The following ABR variants were observed in gnomAD, a reference collection of about 807,000 sequenced individuals.
ABR encodes the protein ABR activator of RhoGEF and GTPase.
In ABR, 35 loss-of-function variants were observed where a neutral mutation model predicts 107.2. That is an observed-to-expected ratio of 0.33 (90% CI 0.25 to 0.43). The LOEUF is 0.43. Ranked by LOEUF, ABR falls within the 20% of genes least tolerant of loss-of-function variation. ABR has a pLI of 1.00. For synonymous variants in ABR, 498 were observed against 462.0 expected (o/e 1.08, Z -1.00); for missense variants, 815 against 1,115.2 (o/e 0.73, Z 3.83).
intron 4 of ABR, chr17:1,083,850 G>T: frequency 1.9e-6 from 1 of 521,040 alleles, no homozygotes; most frequent in Non-Finnish European, 3.5e-6. Flanking sequence ...TAATGAGGGG[G>T]TCTGGGGTTG....
At chr17:1,139,543 T>C (rs7219168) in intron 1 of ABR, among the ~76,000 whole-genome samples, 1,461 of 145,204 alleles carry the variant, frequency 0.01, 24 homozygotes, top group African/African-American at 0.034. Flanking sequence ...TGAGCCACCG[T>C]GCCCGGCCTG....
At chr17:1,079,424 C>G (rs758112457) in intron 5 of ABR, 34 bp from the exon 6 acceptor site, 13 of 1,587,574 alleles carry the variant, frequency 8.2e-6, no homozygotes, top group African/African-American at 1.3e-5. Flanking sequence ...ATGGCCTGTT[C>G]TGTCCCTCAC....
At chr17:1,040,939 A>G (rs2030315619) in intron 16 of ABR, among the ~76,000 whole-genome samples, 1 of 152,170 alleles carries the variant, frequency 6.6e-6, no homozygotes. Flanking sequence ...TTTGAGACAG[A>G]GTCTCGCTCT....
chr17:1,148,958 G>T lies in ABR; in HGVS notation c.62-23591C>A, dbSNP rs935877376. On this transcript the variant is annotated intron_variant, in intron 1 of 22. Transcript: ENST00000302538. The surrounding 1 kb of genome is among the most constrained non-coding windows in gnomAD (Gnocchi z 4.9). ...ACTCTGTCACCCAGGCTGGAGTGCAGTGGCGCCATCTCGGCTCACTGCAAG... is the reference window on the plus strand; with the variant it reads ...ACTCTGTCACCCAGGCTGGAGTGCATTGGCGCCATCTCGGCTCACTGCAAG... 1.3e-5 allele frequency among the ~76,000 whole-genome samples: 2 copies of T among 151,788 alleles called. No individual in the cohort carries two copies. The highest frequency in any genetic ancestry group is 3.9e-4 in the East Asian group (2 of 5,176).
At chr17:1,012,124 G>T (rs1597352983) in intron 18 of ABR, 139 bp from the exon 19 acceptor site, 1 of 1,408,874 alleles carries the variant, frequency 7.1e-7, no homozygotes, top group Non-Finnish European at 9.8e-7. Context: ...GGGCAGGGCA[G>T]AGAAAGAGGC....
At chr17:1,106,972 A>T (rs993853007) in intron 2 of ABR, among the ~76,000 whole-genome samples, 1 of 152,166 alleles carries the variant, frequency 6.6e-6, no homozygotes, top group African/African-American at 2.4e-5. Flanking sequence ...CTAACCTGAG[A>T]GTGTTTGTTG....
chr17:1,220,996 CGTT>C (rs922910342), intron 1 of ABR, among the ~76,000 whole-genome samples: 103 of 152,160 alleles, frequency 6.8e-4, no homozygotes, highest in African/African-American at 2.3e-3. Context: ...GCCGTGGCTC[CGTT>C]GTTATTTGTT....
intron 10 of ABR, among the ~76,000 whole-genome samples, chr17:1,064,089 C>G (rs1236312044): frequency 7.7e-6 from 1 of 130,028 alleles, no homozygotes; most frequent in Non-Finnish European, 1.6e-5. Context: ...GAACTGAGGG[C>G]TATACATGTT....
At chr17:1,105,194 A>C (rs1464464199) in intron 2 of ABR, among the ~76,000 whole-genome samples, 2 of 151,752 alleles carry the variant, frequency 1.3e-5, no homozygotes, top group African/African-American at 2.4e-5. Context: ...TTTTTAGTAG[A>C]GACAGGGTTT....
At position 1,048,548 on chromosome 17, in the gene ABR, C is replaced by T. The variant is rs141043517; in HGVS notation, c.1791+1502G>A. On this transcript the variant is annotated intron_variant, in intron 16 of 22. Transcript: ENST00000302538. ...TGCGCCTGGATCACCTCTTGGGCCA[C>T]GGTCAAGAAGCTCGGCGCCCAGCTG... 3.9e-3 allele frequency among the ~76,000 whole-genome samples: 591 copies of T among 152,038 alleles called. 1 individual carries two copies. Among genetic ancestry groups the T allele is most frequent in the African/African-American group, 0.014 (560 of 41,330 alleles).
At chr17:1,159,695 G>GTAAGAATGCGGTACT in intron 1 of ABR, among the ~76,000 whole-genome samples, 4 of 46,626 alleles carry the variant, frequency 8.6e-5, no homozygotes, top group African/African-American at 3.6e-4. Flanking sequence ...CACAGGAGAA[G>GTAAGAATGCGGTACT]CAGGAATGCG....
rs2036435845 is a variant in ABR, at chr17:1,084,033, G to T, written c.532-406C>A. Among the ~76,000 whole-genome samples, 1 of 152,154 alleles carries T rather than the reference G, an allele frequency of 6.6e-6. No homozygotes were observed. The highest frequency in any genetic ancestry group is 1.5e-5 in the Non-Finnish European group (1 of 68,022). On this transcript the variant is annotated intron_variant, in intron 4 of 22. Coordinates refer to ENST00000302538, the MANE Select transcript of ABR (RefSeq NM_021962.5). This position sits in a 1 kb window ranked among gnomAD's most constrained non-coding sequence, Gnocchi z 4.2. ...GGAGAGAGGGGGGTGTGTGTGCTGG[G>T]GGGAGCTGGCACGTGTGGCCTGCTC...
chr17:1,103,950 T>C (rs894734098), intron 2 of ABR, among the ~76,000 whole-genome samples: 15 of 152,146 alleles, frequency 9.9e-5, no homozygotes, highest in African/African-American at 3.6e-4. Flanking sequence ...GTTTCTTCAG[T>C]CTTTGCAGGG....
intron 16 of ABR, chr17:1,031,748 G>GGGGAC: frequency 8.1e-7 from 1 of 1,237,356 alleles, no homozygotes; most frequent in South Asian, 3.6e-5. Context: ...TCATGCCGGG[G>GGGGAC]GGGACGGGAC....
Position 1,027,775 on chromosome 17 carries a change from G to A in ABR, c.1792-14611C>T, listed in dbSNP as rs1209181607. Among the ~76,000 whole-genome samples the A allele has an allele frequency of 6.6e-6, 1 of 152,022 alleles. No homozygotes were observed. Among genetic ancestry groups the A allele is most frequent in the South Asian group, 2.1e-4 (1 of 4,790 alleles). ...GTGTGTGTGAACAGAGAAGACGCAC[G>A]ATGAAGCTTTCTTCCCACCGGGAAA... On this transcript the variant is annotated intron_variant, in intron 16 of 22. Coordinates refer to ENST00000302538, the MANE Select transcript of ABR (RefSeq NM_021962.5). This position sits in a 1 kb window ranked among gnomAD's most constrained non-coding sequence, Gnocchi z 4.7.
At chr17:1,091,125 G>A (rs1037305943) in intron 4 of ABR, among the ~76,000 whole-genome samples, 13 of 152,256 alleles carry the variant, frequency 8.5e-5, no homozygotes, top group Admixed American at 7.2e-4. Context: ...GAGGATCATC[G>A]GCCAGTGTGC....
rs1406112053 is a variant in ABR at position 1,078,778 on chromosome 17, G to A, written c.700+552C>T. 8 of 1,533,122 alleles carry A rather than the reference G, an allele frequency of 5.2e-6. No homozygotes were observed. The South Asian group carries it at 9.5e-5, about 18-fold the overall frequency. The allele number at this position is 1,533,122 out of a possible 1,614,324, so 95.0% of individuals were successfully genotyped here. Reference sequence around the variant, plus strand: ...CTCCAGCCGGCCCCCAGAGGTGGGAGGGTCCGCCACCTCCCACAGCGAGCA... The same window carrying A: ...CTCCAGCCGGCCCCCAGAGGTGGGAAGGTCCGCCACCTCCCACAGCGAGCA... On this transcript the variant is annotated intron_variant, in intron 6 of 22. Transcript: ENST00000302538. This position sits in a 1 kb window ranked among gnomAD's most constrained non-coding sequence, Gnocchi z 7.5.
chr17:1,109,713 C>T (rs1384365345), intron 2 of ABR, among the ~76,000 whole-genome samples: 3 of 151,858 alleles, frequency 2.0e-5, no homozygotes, highest in African/African-American at 7.2e-5. Context: ...GAAGCCACAG[C>T]CGCGTCCCGC....
chr17:1,221,861 C>A (rs1313571860), intron 1 of ABR, among the ~76,000 whole-genome samples: 2 of 152,284 alleles, frequency 1.3e-5, no homozygotes, highest in South Asian at 4.1e-4. Context: ...TTGTCTTCCT[C>A]TGAAGATGCA....
Sources: gnomAD v4.1 joint callset for allele counts (sites outside exome capture counted in the v4.1 genomes callset) on GRCh38, gnomAD v4.1.1 for gene constraint, Gnocchi (gnomAD v3.1) non-coding constraint, MANE v1.5 for transcripts, NCBI Gene and HGNC (gene_info 2026-07-23, HGNC 2026-07-21) for gene names.